TRIB3: variants seen among roughly 807,000 people sequenced by gnomAD.
TRIB3 encodes tribbles homolog 3.
In TRIB3, 20 loss-of-function variants were observed where a neutral mutation model predicts 16.6. The ratio of observed to expected loss-of-function variants is 1.20; its 90% CI spans 0.85 to 1.75. TRIB3 has a LOEUF of 1.75. Ranked by LOEUF, TRIB3 falls within the 40% of genes most tolerant of loss-of-function variation. TRIB3 has a pLI of 0.00. For synonymous variants in TRIB3, 208 were observed against 217.0 expected, an observed-to-expected ratio of 0.96 and a Z score of 0.36; for missense variants, 484 against 488.9, an observed-to-expected ratio of 0.99 and a Z score of 0.10.
intron 1 of TRIB3, among the ~76,000 whole-genome samples, chr20:387,094 G>A (rs1023363306): frequency 4.6e-5 from 7 of 152,052 alleles, no homozygotes; most frequent in South Asian, 2.1e-4. Flanking sequence ...TATAAAAGTC[G>A]GCCAAACATG....
Position 396,525 on chromosome 20 carries a change from C to A in TRIB3, c.912C>A (p.Leu304=). 1 of 1,613,156 alleles carries A rather than the reference C, an allele frequency of 6.2e-7. No individual in the cohort carries two copies. The highest frequency in any genetic ancestry group is 8.5e-7 in the Non-Finnish European group (1 of 1,180,036). The change falls in exon 4 of 4, where the codon CTC becomes CTA. Residue 304 remains leucine, a synonymous_variant. Transcript: ENST00000217233. ...CLLRREPAER[L]TATGILLHPW... ...TTCGTCGGGAGCCAGCTGAACGGCT[C>A]ACAGCCACAGGCATCCTCCTGCACC... is the stretch of plus-strand genomic sequence containing the variant.
rs1447830049 is a variant in TRIB3 at position 382,618 on chromosome 20, TG to T, written c.-1+1451del. On this transcript the variant is annotated intron_variant, in intron 1 of 3. Coordinates refer to ENST00000217233, the MANE Select transcript of TRIB3 (RefSeq NM_021158.5). ...TAATGACCATTTCCTGACACCTACC[TG>T]GCAACAGGTCCATAAGCTCTACATG... 2.7e-6 allele frequency: 4 copies of T among 1,498,254 alleles called. No individual in the cohort carries two copies. In the East Asian group the frequency reaches 9.8e-5, roughly 37 times the overall value. 92.8% of individuals were successfully genotyped at this position (1,498,254 alleles called of 1,614,324 possible). A position where few individuals can be genotyped will look rare whatever the true frequency, so the allele number is the denominator to read the frequency against.
intron 2 of TRIB3, among the ~76,000 whole-genome samples, chr20:390,789 G>A (rs182932366): frequency 6.6e-6 from 1 of 152,098 alleles, no homozygotes; most frequent in African/African-American, 2.4e-5. Flanking sequence ...ATCACCTGAG[G>A]TCAGGAGTTC....
intron 1 of TRIB3, 146 bp from the exon 2 acceptor site, chr20:387,865 C>G: frequency 1.1e-6 from 1 of 933,078 alleles, no homozygotes. Context: ...GTGGGGCACC[C>G]AGTTAAGGAT....
intron 1 of TRIB3, among the ~76,000 whole-genome samples, chr20:386,917 A>G (rs760164812): frequency 2.0e-5 from 3 of 148,680 alleles, no homozygotes; most frequent in Non-Finnish European, 4.4e-5. Flanking sequence ...CGCCTGGCCT[A>G]ATTTTTGTAT....
At chr20:392,396 T>C (rs2015004571) in intron 3 of TRIB3, among the ~76,000 whole-genome samples, 1 of 152,162 alleles carries the variant, frequency 6.6e-6, no homozygotes, top group Non-Finnish European at 1.5e-5. Context: ...AGTTTCTCCG[T>C]TGGTAAGGAA....
intron 1 of TRIB3, among the ~76,000 whole-genome samples, chr20:387,773 T>C (rs752040546): frequency 6.6e-6 from 1 of 152,186 alleles, no homozygotes; most frequent in Non-Finnish European, 1.5e-5. Flanking sequence ...GCTTTTGCTA[T>C]TGGACACAAG....
chr20:396,574 C>T lies in TRIB3; in HGVS notation c.961C>T (p.Pro321Ser). The change falls in exon 4 of 4, where the codon CCC becomes TCC. Residue 321 changes from proline to serine, a missense_variant. By Grantham distance (74) the Pro-to-Ser change is moderately conservative (BLOSUM62 -1). Coordinates refer to ENST00000217233, the MANE Select transcript of TRIB3 (RefSeq NM_021158.5). ...LHPWLRQDPM[P>S]LAPTRSHLWE... is the part of the protein sequence containing the mutation. Reference sequence around the variant, plus strand: ...CCCCTGGCTGCGACAGGACCCGATGCCCTTAGCCCCAACCCGATCCCATCT... The same window carrying T: ...CCCCTGGCTGCGACAGGACCCGATGTCCTTAGCCCCAACCCGATCCCATCT... 6.2e-7 allele frequency: 1 copy of T among 1,613,156 alleles called. No homozygotes were observed. Among genetic ancestry groups the T allele is most frequent in the Non-Finnish European group, 8.5e-7 (1 of 1,180,024 alleles).
Position 380,826 on chromosome 20 carries a change from G to A in TRIB3, c.-344G>A, listed in dbSNP as rs996762332. On this transcript the variant is annotated 5_prime_UTR_variant, in exon 1 of 4. Transcript: ENST00000217233. The stretch of plus-strand genomic sequence containing the variant: ...GCGGATGCAGAGGAGAGAGGCCCGG[G>A]CGCGGCGCGGGGGATGGTGCGATCC... 1.3e-5 allele frequency: 2 copies of A among 151,336 alleles called. No individual in the cohort carries two copies. The highest frequency in any genetic ancestry group is 2.4e-5 in the African/African-American group (1 of 41,280). The allele number at this position is 151,336 out of a possible 1,614,324, so 9.4% of individuals were successfully genotyped here.
intron 1 of TRIB3, among the ~76,000 whole-genome samples, chr20:383,153 C>T (rs936118719): frequency 6.6e-6 from 1 of 152,208 alleles, no homozygotes. Context: ...CACACAGCTG[C>T]GTGAATGGTG....
Position 391,273 on chromosome 20 carries a change from T to C in TRIB3, c.292-14T>C, listed in dbSNP as rs201875523. 6.2e-7 allele frequency: 1 copy of C among 1,608,750 alleles called. No individual in the cohort carries two copies. Among genetic ancestry groups the C allele is most frequent in the African/African-American group, 1.3e-5 (1 of 74,900 alleles). On this transcript the variant is annotated splice_polypyrimidine_tract_variant and intron_variant, in intron 2 of 3. Coordinates refer to ENST00000217233, the MANE Select transcript of TRIB3 (RefSeq NM_021158.5). Reference sequence around the variant, plus strand: ...GGAGTCCCCAGCTGTGCTAACACCATGCTCTGCCCACAGGTGTACCCCGTC... The same window carrying C: ...GGAGTCCCCAGCTGTGCTAACACCACGCTCTGCCCACAGGTGTACCCCGTC...
rs6051635 is a variant in TRIB3, at chr20:391,175, G to A, written c.292-112G>A. On this transcript the variant is annotated intron_variant, in intron 2 of 3. Transcript: ENST00000217233. ...GAGTGACTCGGTCAGTGAAGCGCTT[G>A]GTGCGATGCCTAGCACATGGTAGTG... 1,585 of 1,206,032 alleles carry A rather than the reference G, an allele frequency of 1.3e-3. 18 individuals carry two copies. In the African/African-American group the frequency reaches 0.019, roughly 15 times the overall value. 74.7% of individuals were successfully genotyped at this position (1,206,032 alleles called of 1,614,324 possible).
intron 1 of TRIB3, among the ~76,000 whole-genome samples, chr20:384,850 G>A (rs6051597): frequency 0.24 from 36,212 of 152,036 alleles, 5,219 homozygotes; most frequent in African/African-American, 0.4. Context: ...TGAGGAAGTT[G>A]GGCCCTCCCT....
intron 1 of TRIB3, among the ~76,000 whole-genome samples, chr20:386,371 T>A (rs2014809071): frequency 6.6e-6 from 1 of 152,196 alleles, no homozygotes; most frequent in South Asian, 2.1e-4. Flanking sequence ...GCTGTGTTTT[T>A]AAGCAGGTAT....
chr20:396,637 C>T lies in TRIB3; in HGVS notation c.1024C>T (p.Leu342=). The T allele has an allele frequency of 1.9e-6, 3 of 1,612,966 alleles. No homozygotes were observed. The highest frequency in any genetic ancestry group is 2.5e-6 in the Non-Finnish European group (3 of 1,179,926). Residue 342 remains leucine, a synonymous_variant, in exon 4 of 4, where the codon CTG becomes TTG. Transcript: ENST00000217233. ...CCAGGTGGTCCCTGATGGACTGGGG[C>T]TGGACGAAGCCAGGGAAGAGGAGGG... is the stretch of plus-strand genomic sequence containing the variant. ...AAQVVPDGLG[L]DEAREEEGDR... is the part of the protein sequence containing the mutation.
In TRIB3 at chr20:391,277, C is replaced by T; in HGVS notation, c.292-10C>T. 2 of 1,609,464 alleles carry T rather than the reference C, an allele frequency of 1.2e-6. No homozygotes were observed. The highest frequency in any genetic ancestry group is 2.2e-5 in the South Asian group (2 of 90,916). On this transcript the variant is annotated splice_polypyrimidine_tract_variant and intron_variant, in intron 2 of 3. Coordinates refer to ENST00000217233, the MANE Select transcript of TRIB3 (RefSeq NM_021158.5). ...TCCCCAGCTGTGCTAACACCATGCTCTGCCCACAGGTGTACCCCGTCCAGG... is the reference window on the plus strand; with the variant it reads ...TCCCCAGCTGTGCTAACACCATGCTTTGCCCACAGGTGTACCCCGTCCAGG...
chr20:391,601 C>T (rs1426125647), intron 3 of TRIB3, 22 bp downstream of exon 3: 14 of 1,595,308 alleles, frequency 8.8e-6, no homozygotes, highest in Non-Finnish European at 1.0e-5. Flanking sequence ...CTCAGAGACC[C>T]CAGCCACAGA....
chr20:387,570 C>A (rs1165263135), intron 1 of TRIB3, among the ~76,000 whole-genome samples: 13 of 147,780 alleles, frequency 8.8e-5, no homozygotes, highest in Non-Finnish European at 1.6e-4. Context: ...AAAAAAAAAA[C>A]CCACCATAAA....
chr20:392,556 A>AAT (rs927587814), intron 3 of TRIB3, among the ~76,000 whole-genome samples: 2 of 140,534 alleles, frequency 1.4e-5, no homozygotes, highest in African/African-American at 5.5e-5. Context: ...GGATGCTAAG[A>AAT]ATTTTTTTTT....
Sources: allele counts gnomAD v4.1 joint callset (sites outside exome capture counted in the v4.1 genomes callset), GRCh38; gene constraint gnomAD v4.1.1; transcripts MANE v1.5; gene names NCBI Gene and HGNC (gene_info 2026-07-23, HGNC 2026-07-21).